Variants in TSHZ1 observed in about 807,000 individuals in gnomAD.
TSHZ1 encodes teashirt homolog 1.
A neutral mutation model predicts 67.1 loss-of-function variants in TSHZ1; 12 were observed. The ratio of observed to expected loss-of-function variants is 0.18; its 90% CI spans 0.11 to 0.29. The LOEUF is 0.29. Ranked by LOEUF, TSHZ1 falls within the 10% of genes least tolerant of loss-of-function variation. The pLI is 1.00. For missense variants in TSHZ1, 1,305 were observed against 1,413.9 expected (o/e 0.92, Z 1.23); for synonymous variants, 632 against 622.4 (o/e 1.02, Z -0.23).
At chr18:75,246,444 G>GTGTGTGTGTGTGTGTGTC (rs2023224878) in intron 1 of TSHZ1, among the ~76,000 whole-genome samples, 1 of 143,862 alleles carries the variant, frequency 7.0e-6, no homozygotes, top group Non-Finnish European at 1.5e-5. Context: ...GTGTGTGTGT[G>GTGTGTGTGTGTGTGTGTC]TCAGAGAGAA....
chr18:75,288,520 A>G lies in TSHZ1; in HGVS notation c.3113A>G (p.Gln1038Arg), dbSNP rs1428351840. The change falls in exon 2 of 2, where the codon CAA (glutamine) becomes CGA (arginine). Residue 1038 changes from glutamine to arginine, a missense_variant. Transcript: ENST00000580243. This position sits in a 1 kb window ranked among gnomAD's most constrained non-coding sequence, Gnocchi z 4.9. Reference sequence around the variant, plus strand: ...GAGGAAGACTTGGGCTCCACATTCCAATGTAAGCTCTGCAACCGGACTTTT... The same window carrying G: ...GAGGAAGACTTGGGCTCCACATTCCGATGTAAGCTCTGCAACCGGACTTTT... The part of the protein sequence containing the change: ...ATEEDLGSTF[Q>R]CKLCNRTFAS... The G allele has an allele frequency of 1.2e-6, 2 of 1,614,252 alleles. No homozygotes were observed. The highest frequency in any genetic ancestry group is 1.7e-6 in the Non-Finnish European group (2 of 1,180,048).
At chr18:75,273,374 G>A (rs2023580525) in intron 1 of TSHZ1, among the ~76,000 whole-genome samples, 1 of 152,178 alleles carries the variant, frequency 6.6e-6, no homozygotes, top group Admixed American at 6.5e-5. Flanking sequence ...TAAGACTCGA[G>A]GGAATTTGCA....
chr18:75,219,675 C>T (rs2022820372), intron 1 of TSHZ1, among the ~76,000 whole-genome samples: 3 of 152,214 alleles, frequency 2.0e-5, no homozygotes, highest in Admixed American at 2.0e-4. Context: ...AACCCCACAA[C>T]AACGCAGTAT....
intron 1 of TSHZ1, among the ~76,000 whole-genome samples, chr18:75,277,799 A>G (rs2023633215): frequency 6.6e-6 from 1 of 152,170 alleles, no homozygotes; most frequent in South Asian, 2.1e-4. Context: ...AGCAGCTGAC[A>G]AGCACACAGT....
chr18:75,278,346 C>G (rs531912179), intron 1 of TSHZ1, among the ~76,000 whole-genome samples: 1 of 152,308 alleles, frequency 6.6e-6, no homozygotes, highest in Non-Finnish European at 1.5e-5. Context: ...TCCTTCCTTG[C>G]CTAGTACGGA....
intron 1 of TSHZ1, among the ~76,000 whole-genome samples, chr18:75,237,393 A>G (rs1268679558): frequency 6.6e-6 from 1 of 152,128 alleles, no homozygotes; most frequent in East Asian, 1.9e-4. Context: ...GTGGTGGTGC[A>G]TGCCTGTAGT....
rs766264706 is a variant in TSHZ1, at chr18:75,287,416, C to T, written c.2009C>T (p.Ala670Val). 50 of 1,613,972 alleles carry T rather than the reference C, an allele frequency of 3.1e-5. No homozygotes were observed. Among genetic ancestry groups the T allele is most frequent in the Non-Finnish European group, 3.6e-5 (43 of 1,180,028 alleles). The change falls in exon 2 of 2, where the codon GCG becomes GTG. Residue 670 changes from alanine (A) to valine (V), a missense_variant. Physicochemically the swap from Ala to Val is moderately conservative, Grantham distance 64 (BLOSUM62 0). Coordinates refer to ENST00000580243, the MANE Select transcript of TSHZ1 (RefSeq NM_001308210.2). The surrounding 1 kb of genome is among the most constrained non-coding windows in gnomAD (Gnocchi z 5.0). ...EKEKSSLAKA[A>V]SPIAKENKDF... is the part of the protein sequence containing the mutation. The stretch of plus-strand genomic sequence containing the variant: ...GAGAAGAGCTCCCTGGCCAAGGCTG[C>T]GTCCCCCATAGCAAAAGAGAATAAA...
intron 1 of TSHZ1, among the ~76,000 whole-genome samples, chr18:75,213,165 T>G (rs1025459617): frequency 6.6e-6 from 1 of 152,200 alleles, no homozygotes; most frequent in African/African-American, 2.4e-5. Context: ...ACTAAAAAAA[T>G]TTGGGAATAG....
intron 1 of TSHZ1, among the ~76,000 whole-genome samples, chr18:75,227,213 C>T (rs1179576778): frequency 3.3e-5 from 5 of 152,006 alleles, no homozygotes; most frequent in African/African-American, 1.2e-4. Flanking sequence ...ACTCCTGCGG[C>T]AGAAGTTTGG....
chr18:75,264,989 T>G (rs1208488461), intron 1 of TSHZ1, among the ~76,000 whole-genome samples: 1 of 152,198 alleles, frequency 6.6e-6, no homozygotes, highest in Admixed American at 6.5e-5. Flanking sequence ...TAAGAGAGAT[T>G]TTTTGGCTTA....
At chr18:75,236,231 G>A (rs2023069247) in intron 1 of TSHZ1, among the ~76,000 whole-genome samples, 1 of 152,198 alleles carries the variant, frequency 6.6e-6, no homozygotes, top group Non-Finnish European at 1.5e-5. Context: ...GTGTGTCTCA[G>A]CTGTTCTTCC....
At chr18:75,212,744 A>G (rs12970215) in intron 1 of TSHZ1, among the ~76,000 whole-genome samples, 22,578 of 152,110 alleles carry the variant, frequency 0.15, 1,862 homozygotes, top group African/African-American at 0.23. Context: ...ATTTTGTCTC[A>G]GAAGTTTTAC....
At chr18:75,280,143 A>G (rs2023666853) in intron 1 of TSHZ1, among the ~76,000 whole-genome samples, 1 of 152,248 alleles carries the variant, frequency 6.6e-6, no homozygotes, top group South Asian at 2.1e-4. Flanking sequence ...CTCATGTTTG[A>G]AGGATACTGC....
rs1218155166 is a variant in TSHZ1 at position 75,260,176 on chromosome 18, CTT to C, written c.41-25271_41-25270del. Among the ~76,000 whole-genome samples, 24 of 152,394 alleles carry C rather than the reference CTT, an allele frequency of 1.6e-4. No homozygotes were observed. The East Asian group carries it at 3.1e-3, about 20-fold the overall frequency. On this transcript the variant is annotated intron_variant, in intron 1 of 1. Transcript: ENST00000580243. ...TTCTTTCTGTGCCCCAGGCCAGCCT[CTT>C]AGCCTGCGGCTTCTCGTGTTTCCCT...
chr18:75,216,875 C>G (rs992984269), intron 1 of TSHZ1, among the ~76,000 whole-genome samples: 2 of 152,098 alleles, frequency 1.3e-5, no homozygotes, highest in Non-Finnish European at 2.9e-5. Context: ...AGGCATGGTC[C>G]ACTGGGCCGG....
At chr18:75,283,358 A>C (rs1214594009) in intron 1 of TSHZ1, 4 of 152,284 alleles carry the variant, frequency 2.6e-5, no homozygotes, top group African/African-American at 9.6e-5. Flanking sequence ...GGGCCATCCT[A>C]AACCTTTAAT....
At chr18:75,279,019 A>G (rs1056084843) in intron 1 of TSHZ1, among the ~76,000 whole-genome samples, 8 of 152,128 alleles carry the variant, frequency 5.3e-5, no homozygotes, top group African/African-American at 1.9e-4. Context: ...TTCCATGGTC[A>G]CAAGAGCTTC....
chr18:75,285,654 G>C lies in TSHZ1; in HGVS notation c.247G>C (p.Asp83His). The stretch of plus-strand genomic sequence containing the variant: ...CGGGTCGCCCTTCAGTGAGAGCAGC[G>C]ACCAGCTAGCCCATTTCAAAGGCTC... ...GYGSPFSESS[D>H]QLAHFKGSSS... The change falls in exon 2 of 2, where the codon GAC becomes CAC. Residue 83 changes from aspartate (D) to histidine (H), a missense_variant. Asp to His is a moderately conservative substitution (Grantham distance 81, BLOSUM62 -1). Coordinates refer to ENST00000580243, the MANE Select transcript of TSHZ1 (RefSeq NM_001308210.2). 6.2e-7 allele frequency: 1 copy of C among 1,613,898 alleles called. No homozygotes were observed. The highest frequency in any genetic ancestry group is 8.5e-7 in the Non-Finnish European group (1 of 1,179,964).
chr18:75,237,355 C>G (rs2023086516), intron 1 of TSHZ1, among the ~76,000 whole-genome samples: 1 of 152,080 alleles, frequency 6.6e-6, no homozygotes, highest in African/African-American at 2.4e-5. Flanking sequence ...AACCCCATAT[C>G]TACAAAAAAT....
Sources: gnomAD v4.1 joint callset for allele counts (sites outside exome capture counted in the v4.1 genomes callset) on GRCh38, gnomAD v4.1.1 for gene constraint, Gnocchi (gnomAD v3.1) non-coding constraint, MANE v1.5 for transcripts, NCBI Gene and HGNC (gene_info 2026-07-23, HGNC 2026-07-21) for gene names.